The following PXDNL variants were observed in gnomAD, a reference collection of about 807,000 sequenced individuals.
PXDNL encodes peroxidasin like.
In PXDNL, 145 loss-of-function variants were observed where a neutral mutation model predicts 150.8. That is an observed-to-expected ratio of 0.96 (90% CI 0.84 to 1.10). The LOEUF (loss-of-function observed/expected upper bound fraction) is 1.10, where lower values mean the gene tolerates loss of function less well. Ranked by LOEUF, PXDNL falls within the 50% of genes least tolerant of loss-of-function variation. The probability of loss-of-function intolerance (pLI) is 0.00; values close to 1 mark genes in which losing one functional copy is unlikely to be tolerated. For synonymous variants in PXDNL, 757 were observed against 725.7 expected, an observed-to-expected ratio of 1.04 and a Z score of -0.69; for missense variants, 2,087 against 1,873.9, an observed-to-expected ratio of 1.11 and a Z score of -2.10.
intron 2 of PXDNL, among the ~76,000 whole-genome samples, chr8:51,636,057 C>G (rs1386001322): frequency 6.6e-6 from 1 of 152,068 alleles, no homozygotes; most frequent in Non-Finnish European, 1.5e-5. Context: ...ATAAGAAAGT[C>G]AACCAATGTT....
At chr8:51,630,685 C>G (rs1403500430) in intron 2 of PXDNL, among the ~76,000 whole-genome samples, 1 of 152,084 alleles carries the variant, frequency 6.6e-6, no homozygotes, top group Non-Finnish European at 1.5e-5. Flanking sequence ...AAAAAATGCT[C>G]AACATCACTA....
In PXDNL at chr8:51,345,868, A is replaced by T; in HGVS notation, c.3981T>A (p.Val1327=). The T allele has an allele frequency of 6.2e-7, 1 of 1,613,428 alleles. No individual in the cohort carries two copies. Among genetic ancestry groups the T allele is most frequent in the Non-Finnish European group, 8.5e-7 (1 of 1,179,350 alleles). ...KKRSAQYSYP[V]DKDMELSHLR... ...GATGACTTAACTCCATATCCTTATC[A>T]ACAGGATAGCTGTATTGAGCTGAGC... The change falls in exon 20 of 23, where the codon GTT becomes GTA. Residue 1327 remains valine, a synonymous_variant. Transcript: ENST00000356297.
At chr8:51,797,385 T>C (rs1249420000) in intron 1 of PXDNL, among the ~76,000 whole-genome samples, 3 of 152,170 alleles carry the variant, frequency 2.0e-5, no homozygotes, top group African/African-American at 7.2e-5. Flanking sequence ...AGTCAAAATG[T>C]CTCTGTTTGC....
intron 21 of PXDNL, among the ~76,000 whole-genome samples, chr8:51,332,926 C>T (rs548855251): frequency 1.3e-5 from 2 of 152,122 alleles, no homozygotes; most frequent in Non-Finnish European, 2.9e-5. Context: ...GGGGAATAAT[C>T]GAGGAAAACT....
chr8:51,596,995 A>T (rs1448789527), intron 2 of PXDNL, among the ~76,000 whole-genome samples: 1 of 152,150 alleles, frequency 6.6e-6, no homozygotes, highest in African/African-American at 2.4e-5. Flanking sequence ...CCATGCCCAG[A>T]TGGTATTTCG....
At chr8:51,640,619 A>T (rs1263502429) in intron 2 of PXDNL, among the ~76,000 whole-genome samples, 1 of 152,230 alleles carries the variant, frequency 6.6e-6, no homozygotes, top group African/African-American at 2.4e-5. Context: ...TTCAAAGAGA[A>T]TAAAATACCT....
intron 2 of PXDNL, among the ~76,000 whole-genome samples, chr8:51,654,115 G>A (rs1166783711): frequency 6.6e-6 from 1 of 152,164 alleles, no homozygotes; most frequent in East Asian, 1.9e-4. Context: ...CCAACTGGTA[G>A]CCCACAATAG....
At chr8:51,485,636 A>G (rs1331412330) in intron 5 of PXDNL, among the ~76,000 whole-genome samples, 2 of 152,118 alleles carry the variant, frequency 1.3e-5, no homozygotes, top group Non-Finnish European at 2.9e-5. Context: ...TCCTCTGAGT[A>G]ATTTTCCATC....
chr8:51,510,101 T>C (rs1811381311), intron 4 of PXDNL, among the ~76,000 whole-genome samples: 1 of 152,058 alleles, frequency 6.6e-6, no homozygotes, highest in Non-Finnish European at 1.5e-5. Flanking sequence ...CACAAGGTTC[T>C]AGAAAGGCAG....
rs1353665989 is a variant in PXDNL, at chr8:51,465,837, C to T, written c.812+6350G>A. Among the ~76,000 whole-genome samples the T allele has an allele frequency of 5.3e-5, 8 of 152,024 alleles. No homozygotes were observed. The East Asian group carries it at 1.5e-3, about 29-fold the overall frequency. On this transcript the variant is annotated intron_variant, in intron 8 of 22. Coordinates refer to ENST00000356297, the MANE Select transcript of PXDNL (RefSeq NM_144651.5). ...AAAAAATATCTAGAACTACATCTAA[C>T]CAAGTAAGTGAAATATTGCTGCAAG... is the stretch of plus-strand genomic sequence containing the variant.
At chr8:51,569,879 C>A (rs1055181091) in intron 3 of PXDNL, among the ~76,000 whole-genome samples, 1 of 151,844 alleles carries the variant, frequency 6.6e-6, no homozygotes, top group Non-Finnish European at 1.5e-5. Flanking sequence ...TTGCTTGAGA[C>A]AGTTTTTCCA....
chr8:51,762,632 A>G (rs1444965204), intron 1 of PXDNL, among the ~76,000 whole-genome samples: 1 of 152,194 alleles, frequency 6.6e-6, no homozygotes, highest in African/African-American at 2.4e-5. Flanking sequence ...TCCCACTTTG[A>G]GTTGTCCCAC....
At chr8:51,434,063 T>C (rs1318432536) in intron 12 of PXDNL, among the ~76,000 whole-genome samples, 1 of 152,220 alleles carries the variant, frequency 6.6e-6, no homozygotes, top group Non-Finnish European at 1.5e-5. Flanking sequence ...GCCCTCATTC[T>C]TGAACACTTT....
intron 3 of PXDNL, among the ~76,000 whole-genome samples, chr8:51,575,954 T>A (rs1251932754): frequency 6.6e-6 from 1 of 151,176 alleles, no homozygotes; most frequent in Non-Finnish European, 1.5e-5. Context: ...TTTAAAAAGG[T>A]CAGTCCACCA....
intron 5 of PXDNL, among the ~76,000 whole-genome samples, chr8:51,499,478 C>A (rs1811136402): frequency 6.6e-6 from 1 of 152,186 alleles, no homozygotes; most frequent in South Asian, 2.1e-4. Context: ...TGAAGTGCTT[C>A]TTCCTCTCTT....
intron 12 of PXDNL, among the ~76,000 whole-genome samples, chr8:51,434,867 G>A (rs1809352625): frequency 6.6e-6 from 1 of 152,152 alleles, no homozygotes; most frequent in African/African-American, 2.4e-5. Flanking sequence ...CCTCTTTACA[G>A]AGATGAGGTA....
intron 3 of PXDNL, among the ~76,000 whole-genome samples, chr8:51,585,595 T>C (rs924670488): frequency 6.6e-6 from 1 of 152,062 alleles, no homozygotes; most frequent in Non-Finnish European, 1.5e-5. Context: ...AAACCTTTAG[T>C]AGAGTGGTAG....
In PXDNL at chr8:51,411,349, T is replaced by G. The variant is rs1315515682; in HGVS notation, c.1963A>C (p.Ile655Leu). ...AQFHYPRDPL[I>L]VEMARAGEIF... Reference sequence around the variant, plus strand: ...TCCCCTGCTCTTGCCATTTCCACAATCAGTGGGTCACGCGGGTAATGAAAT... The same window carrying G: ...TCCCCTGCTCTTGCCATTTCCACAAGCAGTGGGTCACGCGGGTAATGAAAT... The change falls in exon 16 of 23, where the codon ATT becomes CTT. Residue 655 changes from isoleucine to leucine, a missense_variant. By Grantham distance (5) the Ile-to-Leu change is conservative. Transcript: ENST00000356297. 2 of 1,588,694 alleles carry G rather than the reference T, an allele frequency of 1.3e-6. No individual in the cohort carries two copies. The highest frequency in any genetic ancestry group is 1.7e-4 in the Middle Eastern group (1 of 6,024).
chr8:51,331,010 A>G (rs777575057), intron 21 of PXDNL, among the ~76,000 whole-genome samples: 1 of 152,188 alleles, frequency 6.6e-6, no homozygotes, highest in Non-Finnish European at 1.5e-5. Flanking sequence ...CGGATACTGC[A>G]GCATTGCGGA....
Sources: allele counts gnomAD v4.1 joint callset (sites outside exome capture counted in the v4.1 genomes callset), GRCh38; gene constraint gnomAD v4.1.1; transcripts MANE v1.5; gene names NCBI Gene and HGNC (gene_info 2026-07-23, HGNC 2026-07-21).